Variants in COL5A3 observed in about 807,000 individuals in gnomAD.
COL5A3 encodes collagen type V alpha 3 chain, also known as collagen alpha-3(V) chain.
COL5A3 carries 172 observed loss-of-function variants against 250.0 expected under a neutral mutation model. That is an observed-to-expected ratio of 0.69 (90% confidence interval 0.61 to 0.78). The LOEUF (loss-of-function observed/expected upper bound fraction) is 0.78. Among genes scored for constraint, COL5A3 ranks in the 30% least tolerant of loss-of-function variants. COL5A3 has a pLI of 0.00. For synonymous variants in COL5A3, 937 were observed against 900.4 expected, an observed-to-expected ratio of 1.04 and a Z score of -0.73; for missense variants, 2,340 against 2,334.4, an observed-to-expected ratio of 1.00 and a Z score of -0.05.
At chr19:10,004,626 C>G (rs542254433) in intron 4 of COL5A3, among the ~76,000 whole-genome samples, 1 of 152,074 alleles carries the variant, frequency 6.6e-6, no homozygotes, top group South Asian at 2.1e-4. Context: ...CCACCGCGCC[C>G]GGCCAAGACC....
chr19:10,008,325 G>A (rs1226483757), intron 1 of COL5A3, among the ~76,000 whole-genome samples: 1 of 152,038 alleles, frequency 6.6e-6, no homozygotes, highest in Non-Finnish European at 1.5e-5. Context: ...TCTCCTGCTT[G>A]AAACTTGTGT....
intron 64 of COL5A3, among the ~76,000 whole-genome samples, chr19:9,965,576 C>T (rs1340316699): frequency 6.6e-6 from 1 of 151,962 alleles, no homozygotes; most frequent in East Asian, 1.9e-4. Context: ...GCTTCAGCCC[C>T]CGAGTAGCTG....
chr19:10,002,960 A>T lies in COL5A3; in HGVS notation c.849+605T>A, dbSNP rs533868589. Among the ~76,000 whole-genome samples, 33 of 152,230 alleles carry T rather than the reference A, an allele frequency of 2.2e-4. No homozygotes were observed. The East Asian group carries it at 5.6e-3, about 26-fold the overall frequency. On this transcript the variant is annotated intron_variant, in intron 6 of 66. Transcript: ENST00000264828. ...CCCAGTCATTGACCCCAAACTAGGG[A>T]CATCAGTAACACCAATAATGGTTTC...
At chr19:9,982,041 C>T (rs2145097040) in intron 32 of COL5A3, 24 bp downstream of exon 32, 1 of 1,597,478 alleles carries the variant, frequency 6.3e-7, no homozygotes, top group South Asian at 1.1e-5. Flanking sequence ...TCTCCCCTCT[C>T]CCTTACCCCC....
intron 3 of COL5A3, 38 bp downstream of exon 3, chr19:10,005,758 C>T: frequency 1.3e-6 from 2 of 1,599,376 alleles, no homozygotes; most frequent in Non-Finnish European, 1.7e-6. Flanking sequence ...CACCCCACCC[C>T]TTATCCACGG....
Position 9,962,893 on chromosome 19 carries a change from A to G in COL5A3, c.4783-6T>C, listed in dbSNP as rs113051582. 2.4e-3 allele frequency: 3,842 copies of G among 1,605,938 alleles called. 58 individuals carry two copies. The African/African-American group carries it at 0.045, about 19-fold the overall frequency. ...GACCAGGAGGCCAATTTCACCTGGAAGAGAAAAGGGAGGGTCACTGTAGCT... is the reference window on the plus strand; with the variant it reads ...GACCAGGAGGCCAATTTCACCTGGAGGAGAAAAGGGAGGGTCACTGTAGCT... On this transcript the variant is annotated splice_polypyrimidine_tract_variant and splice_region_variant and intron_variant, in intron 64 of 66. Coordinates refer to ENST00000264828, the MANE Select transcript of COL5A3 (RefSeq NM_015719.4).
At chr19:9,978,084 G>T (rs2086950339) in intron 41 of COL5A3, among the ~76,000 whole-genome samples, 1 of 151,230 alleles carries the variant, frequency 6.6e-6, no homozygotes. Context: ...TGGGATTATA[G>T]GCATGAGCAA....
chr19:9,986,785 A>C lies in COL5A3; in HGVS notation c.2146-27T>G, dbSNP rs146877922. 1.9e-4 allele frequency: 298 copies of C among 1,609,534 alleles called. No homozygotes were observed. In the East Asian group the frequency reaches 4.9e-3, roughly 26 times the overall value. On this transcript the variant is annotated intron_variant, in intron 27 of 66. Coordinates refer to ENST00000264828, the MANE Select transcript of COL5A3 (RefSeq NM_015719.4). ...TGGAAAATAAAAAAAAAAAGCTCTC[A>C]AGCCTCTTCCCTGCTTAAGAAGTGA...
In COL5A3 at chr19:10,006,207, A is replaced by T. The variant is rs1243375145; in HGVS notation, c.113T>A (p.Leu38Gln). ...CCCAGCCTGGCCTCCCTGCACACCC[A>T]GGGCCTTCAGGACATCCACAGGATC... ...QADPVDVLKA[L>Q]GVQGGQAGVP... Residue 38 changes from leucine (L) to glutamine (Q), a missense_variant, in exon 2 of 67, where the codon CTG becomes CAG. Physicochemically the swap from Leu to Gln is moderately radical, Grantham distance 113. Transcript: ENST00000264828. 6.2e-7 allele frequency: 1 copy of T among 1,602,148 alleles called. No homozygotes were observed. Among genetic ancestry groups the T allele is most frequent in the Non-Finnish European group, 8.5e-7 (1 of 1,174,988 alleles).
chr19:9,968,444 C>T lies in COL5A3; in HGVS notation c.4255G>A (p.Glu1419Lys). ...GLIGPPGEAG[E>K]KGDQGLPGVQ... ...CCTGGCAACCCCTGATCTCCTTTCT[C>T]ACCAGCTTCTCCCGGGGGGCCAATG... The change falls in exon 59 of 67, where the codon GAG (glutamate) becomes AAG (lysine). Residue 1419 changes from glutamate to lysine, a missense_variant. Physicochemically the swap from Glu to Lys is moderately conservative, Grantham distance 56. Coordinates refer to ENST00000264828, the MANE Select transcript of COL5A3 (RefSeq NM_015719.4). The surrounding 1 kb of genome is among the most constrained non-coding windows in gnomAD (Gnocchi z 4.1). 2 of 1,588,452 alleles carry T rather than the reference C, an allele frequency of 1.3e-6. No homozygotes were observed. The highest frequency in any genetic ancestry group is 1.7e-6 in the Non-Finnish European group (2 of 1,173,682).
At position 9,973,795 on chromosome 19, in the gene COL5A3, C is replaced by G. The variant is rs62638751; in HGVS notation, c.3573G>C (p.Leu1191=). The change falls in exon 49 of 67, where the codon CTG becomes CTC. Residue 1191 remains leucine, a synonymous_variant. Transcript: ENST00000264828. ...GPTGSEGTPG[L]PGGVGQPGAV... ...CGCCTGGCTGACCAACTCCTCCAGG[C>G]AGCCCTGGAGTGCCCTGGAGAGACA... 6.2e-7 allele frequency: 1 copy of G among 1,613,904 alleles called. No individual in the cohort carries two copies. The highest frequency in any genetic ancestry group is 1.3e-5 in the African/African-American group (1 of 74,886).
intron 15 of COL5A3, 122 bp downstream of exon 15, chr19:9,995,944 A>G (rs921432336): frequency 2.0e-6 from 2 of 995,606 alleles, no homozygotes; most frequent in East Asian, 2.6e-5. Context: ...ATTCTCTAGG[A>G]AAGTCATCAA....
At chr19:9,962,247 C>T (rs1456555177) in intron 65 of COL5A3, among the ~76,000 whole-genome samples, 1 of 152,072 alleles carries the variant, frequency 6.6e-6, no homozygotes, top group East Asian at 1.9e-4. Flanking sequence ...GCTGGGATTA[C>T]AGGCACACAT....
intron 34 of COL5A3, 54 bp downstream of exon 34, chr19:9,980,752 G>A: frequency 6.2e-6 from 10 of 1,614,014 alleles, no homozygotes; most frequent in Non-Finnish European, 8.5e-6. Flanking sequence ...AGAATTTGGA[G>A]GGACTGGCTG....
chr19:9,997,536 C>G, intron 10 of COL5A3, 103 bp from the exon 11 acceptor site: 1 of 688,486 alleles, frequency 1.5e-6, no homozygotes, highest in Non-Finnish European at 2.5e-6. Flanking sequence ...CTCCCTACCC[C>G]ACTACAGAGC....
chr19:9,969,997 TG>T, intron 54 of COL5A3, 75 bp from the exon 55 acceptor site: 6 of 956,900 alleles, frequency 6.3e-6, no homozygotes, highest in African/African-American at 5.3e-5. Context: ...TCTGGGTGAC[TG>T]GGGGGTTATG....
intron 1 of COL5A3, among the ~76,000 whole-genome samples, chr19:10,008,518 G>T (rs1468138014): frequency 6.6e-6 from 1 of 152,184 alleles, no homozygotes; most frequent in African/African-American, 2.4e-5. Context: ...CCACGGGGAT[G>T]TTGGGTGGGG....
At chr19:9,986,123 T>C (rs2145107852) in intron 30 of COL5A3, among the ~76,000 whole-genome samples, 192 bp downstream of exon 30, 1 of 152,212 alleles carries the variant, frequency 6.6e-6, no homozygotes, top group East Asian at 1.9e-4. Flanking sequence ...GCCTATTGCA[T>C]GTGGTGGTTA....
At chr19:10,001,734 C>G (rs1440257108) in intron 7 of COL5A3, 34 bp downstream of exon 7, 12 of 1,612,110 alleles carry the variant, frequency 7.4e-6, no homozygotes, top group Non-Finnish European at 1.0e-5. Flanking sequence ...CCCCCGTAAC[C>G]CTTGGGGTCT....
Sources: gnomAD v4.1 joint callset for allele counts (sites outside exome capture counted in the v4.1 genomes callset) on GRCh38, gnomAD v4.1.1 for gene constraint, Gnocchi (gnomAD v3.1) non-coding constraint, MANE v1.5 for transcripts, NCBI Gene and HGNC (gene_info 2026-07-23, HGNC 2026-07-21) for gene names.